The following FNBP1 variants were observed in gnomAD, a reference collection of about 807,000 sequenced individuals.
FNBP1 encodes the protein formin-binding protein 1.
A neutral mutation model predicts 90.6 loss-of-function variants in FNBP1; 26 were observed. The observed-to-expected ratio is 0.29, with a 90% CI of 0.21 to 0.40. The LOEUF (loss-of-function observed/expected upper bound fraction) is 0.40, where lower values mean the gene tolerates loss of function less well. Ranked by LOEUF, FNBP1 falls within the 10% of genes least tolerant of loss-of-function variation. FNBP1 has a pLI of 1.00. For missense variants in FNBP1, 635 were observed against 768.0 expected, an observed-to-expected ratio of 0.83 and a Z score of 2.05; for synonymous variants, 260 against 265.2, an observed-to-expected ratio of 0.98 and a Z score of 0.19.
chr9:129,917,039 G>T (rs1178495287), intron 10 of FNBP1, among the ~76,000 whole-genome samples: 2 of 151,892 alleles, frequency 1.3e-5, no homozygotes, highest in African/African-American at 2.4e-5. Flanking sequence ...TTGAGACAGG[G>T]TCTCACACTA....
At chr9:129,906,470 G>A (rs773963379) in intron 12 of FNBP1, among the ~76,000 whole-genome samples, 5 of 152,072 alleles carry the variant, frequency 3.3e-5, no homozygotes, top group African/African-American at 4.8e-5. Context: ...GGCTGCTCTC[G>A]TAATAGTGAG....
chr9:129,940,253 A>T (rs1423972543), intron 6 of FNBP1, among the ~76,000 whole-genome samples: 1 of 152,160 alleles, frequency 6.6e-6, no homozygotes. Flanking sequence ...ACAAAACAAC[A>T]TTTTGAAGGA....
chr9:129,947,448 A>AAAAAAAAAGAAAG (rs1204848435), intron 6 of FNBP1, among the ~76,000 whole-genome samples: 1 of 151,104 alleles, frequency 6.6e-6, no homozygotes, highest in African/African-American at 2.4e-5. Context: ...CTCAAAAAAA[A>AAAAAAAAAGAAAG]AAAAGAAAAG....
chr9:129,905,286 G>A (rs2131425044), intron 12 of FNBP1, among the ~76,000 whole-genome samples: 1 of 74,684 alleles, frequency 1.3e-5, no homozygotes, highest in South Asian at 6.8e-4. Context: ...GTGTGTGTGT[G>A]TGTGTGTGTA....
At chr9:129,950,114 A>G (rs2045949127) in intron 6 of FNBP1, among the ~76,000 whole-genome samples, 1 of 148,468 alleles carries the variant, frequency 6.7e-6, no homozygotes. Flanking sequence ...AATAATGATA[A>G]GAACTAAAAC....
At chr9:129,913,761 ACT>A (rs2039770687) in intron 11 of FNBP1, among the ~76,000 whole-genome samples, 1 of 151,622 alleles carries the variant, frequency 6.6e-6, no homozygotes, top group Non-Finnish European at 1.5e-5. Context: ...ACAGAGCGAG[ACT>A]CTGTCTCCTA....
chr9:129,914,126 G>C (rs1730794642), intron 11 of FNBP1, among the ~76,000 whole-genome samples: 1 of 151,054 alleles, frequency 6.6e-6, no homozygotes, highest in African/African-American at 2.4e-5. Context: ...AAAGTGCAGA[G>C]ATTACAGGCG....
Position 130,031,806 on chromosome 9 carries a change from C to T in FNBP1, c.24+11146G>A, listed in dbSNP as rs980230835. Among the ~76,000 whole-genome samples, 3 of 151,944 alleles carry T rather than the reference C, an allele frequency of 2.0e-5. No homozygotes were observed. The highest frequency in any genetic ancestry group is 2.0e-4 in the Admixed American group (3 of 15,238). On this transcript the variant is annotated intron_variant, in intron 1 of 16. Coordinates refer to ENST00000446176, the MANE Select transcript of FNBP1 (RefSeq NM_015033.3). The surrounding 1 kb of genome is among the most constrained non-coding windows in gnomAD (Gnocchi z 4.2). ...CCTCCCGAGTAGCTGGGATTACAGG[C>T]GAGCGCCATCATGCCTGGCTAAGTT...
intron 11 of FNBP1, among the ~76,000 whole-genome samples, chr9:129,909,361 C>T (rs1272592669): frequency 7.2e-5 from 11 of 152,160 alleles, no homozygotes; most frequent in African/African-American, 2.4e-4. Context: ...ATGTCAGTGG[C>T]AACACTGAAG....
At chr9:130,052,310 G>A in the FNBP1 span, among the ~76,000 whole-genome samples, 22 of 152,164 alleles carry the variant, frequency 1.4e-4, no homozygotes, top group African/African-American at 4.6e-4. Flanking sequence ...AGCAAGGAAT[G>A]CTATGAACCC....
At chr9:129,921,686 T>G (rs1185294701) in intron 10 of FNBP1, among the ~76,000 whole-genome samples, 1 of 152,206 alleles carries the variant, frequency 6.6e-6, no homozygotes, top group East Asian at 1.9e-4. Context: ...GTGCTGGGAT[T>G]ACGGGCATGA....
At chr9:130,032,169 T>G (rs2058863773) in intron 1 of FNBP1, among the ~76,000 whole-genome samples, 1 of 140,766 alleles carries the variant, frequency 7.1e-6, no homozygotes, top group Admixed American at 6.9e-5. Flanking sequence ...AAAATAAACT[T>G]TTTTTTTTTT....
chr9:129,960,383 C>CAAAAAAA (rs10715833), intron 4 of FNBP1, among the ~76,000 whole-genome samples: 8 of 80,448 alleles, frequency 9.9e-5, no homozygotes, highest in African/African-American at 1.5e-4. Context: ...GACTCCATCT[C>CAAAAAAA]AAAAAAAAAA....
chr9:130,044,086 T>A (rs2060028010), upstream of FNBP1, among the ~76,000 whole-genome samples: 2 of 152,216 alleles, frequency 1.3e-5, no homozygotes, highest in Non-Finnish European at 2.9e-5. Context: ...CCTCTCTATA[T>A]ATCCAAAGGT....
chr9:130,011,831 T>A (rs1463152846), intron 1 of FNBP1, among the ~76,000 whole-genome samples: 1 of 152,218 alleles, frequency 6.6e-6, no homozygotes, highest in African/African-American at 2.4e-5. Context: ...TATAGATATA[T>A]CAATCCTCCC....
intron 6 of FNBP1, among the ~76,000 whole-genome samples, chr9:129,932,898 G>A (rs555054869): frequency 3.3e-5 from 5 of 151,880 alleles, no homozygotes; most frequent in Admixed American, 1.3e-4. Flanking sequence ...CCCCGAGCCC[G>A]TCCAGCACAA....
At chr9:129,895,290 C>T in intron 16 of FNBP1, 1 of 1,059,584 alleles carries the variant, frequency 9.4e-7, no homozygotes, top group Non-Finnish European at 1.1e-6. Context: ...ATCTTATTTA[C>T]TGCTTTAGTC....
At chr9:129,992,113 G>A (rs2053258783) in intron 2 of FNBP1, among the ~76,000 whole-genome samples, 1 of 152,154 alleles carries the variant, frequency 6.6e-6, no homozygotes, top group Non-Finnish European at 1.5e-5. Flanking sequence ...AGTACAGACT[G>A]GGAAGGGAGA....
chr9:130,047,564 G>C (rs1312982479), upstream of FNBP1, among the ~76,000 whole-genome samples: 2 of 152,148 alleles, frequency 1.3e-5, no homozygotes, highest in African/African-American at 4.8e-5. Flanking sequence ...GGTGATCCAA[G>C]ATCGCACCAC....
Sources: allele counts gnomAD v4.1 joint callset (sites outside exome capture counted in the v4.1 genomes callset), GRCh38; gene constraint gnomAD v4.1.1; non-coding constraint Gnocchi (gnomAD v3.1); transcripts MANE v1.5; gene names NCBI Gene and HGNC (gene_info 2026-07-23, HGNC 2026-07-21).